The following SLC22A25 variants were observed in gnomAD, a reference collection of about 807,000 sequenced individuals.
SLC22A25 encodes solute carrier family 22 member 25.
A neutral mutation model predicts 45.9 loss-of-function variants in SLC22A25; 44 were observed. That is an observed-to-expected ratio of 0.96 (90% CI 0.75 to 1.23). SLC22A25 has a LOEUF of 1.23. Ranked by LOEUF, SLC22A25 falls within the 50% of genes most tolerant of loss-of-function variation. The pLI is 0.00. For synonymous variants in SLC22A25, 283 were observed against 238.6 expected, an observed-to-expected ratio of 1.19 and a Z score of -1.72; for missense variants, 800 against 666.4, an observed-to-expected ratio of 1.20 and a Z score of -2.21.
chr11:63,206,733 T>C (rs1406332985), intron 7 of SLC22A25, among the ~76,000 whole-genome samples: 1 of 152,150 alleles, frequency 6.6e-6, no homozygotes, highest in African/African-American at 2.4e-5. Flanking sequence ...TTCAATGCTA[T>C]CCCCAACAAG....
intron 3 of SLC22A25, among the ~76,000 whole-genome samples, chr11:63,236,485 A>G (rs1019515481): frequency 2.6e-5 from 4 of 152,122 alleles, no homozygotes; most frequent in Middle Eastern, 3.2e-3. Flanking sequence ...TGTGAAGCCC[A>G]TTGGAAAAGC....
intron 7 of SLC22A25, among the ~76,000 whole-genome samples, chr11:63,196,475 C>T (rs1217824416): frequency 2.0e-5 from 3 of 152,124 alleles, no homozygotes; most frequent in African/African-American, 7.2e-5. Context: ...AAACATAATC[C>T]AGCATATAAA....
chr11:63,219,297 A>G (rs965570764), intron 5 of SLC22A25, among the ~76,000 whole-genome samples: 1 of 151,794 alleles, frequency 6.6e-6, no homozygotes, highest in Non-Finnish European at 1.5e-5. Context: ...AATTTTACCA[A>G]CTGCTATATA....
chr11:63,208,610 T>C (rs1005612919), intron 7 of SLC22A25, among the ~76,000 whole-genome samples: 1 of 151,968 alleles, frequency 6.6e-6, no homozygotes, highest in African/African-American at 2.4e-5. Context: ...ACCTGGGACA[T>C]GAGAGAGGCT....
chr11:63,236,832 C>G (rs2090173003), intron 3 of SLC22A25, among the ~76,000 whole-genome samples: 1 of 152,154 alleles, frequency 6.6e-6, no homozygotes, highest in Non-Finnish European at 1.5e-5. Flanking sequence ...CTATATGCAT[C>G]TCTGTTTCTT....
intron 9 of SLC22A25, among the ~76,000 whole-genome samples, chr11:63,168,598 T>C (rs2087766127): frequency 6.6e-6 from 1 of 151,630 alleles, no homozygotes; most frequent in African/African-American, 2.4e-5. Context: ...TGAAATAAAG[T>C]GTGAAGGAAA....
chr11:63,223,257 C>A (rs375794440), intron 5 of SLC22A25, among the ~76,000 whole-genome samples: 1 of 152,014 alleles, frequency 6.6e-6, no homozygotes, highest in East Asian at 1.9e-4. Context: ...AGGTCCCAGG[C>A]TTTTCCTTAC....
intron 5 of SLC22A25, among the ~76,000 whole-genome samples, chr11:63,225,580 G>T (rs2089945039): frequency 6.6e-6 from 1 of 152,076 alleles, no homozygotes; most frequent in South Asian, 2.1e-4. Flanking sequence ...TTGACCTAGG[G>T]AGTTGGATTA....
chr11:63,220,103 A>T, intron 5 of SLC22A25: 1 of 953,692 alleles, frequency 1.0e-6, no homozygotes, highest in Non-Finnish European at 1.5e-6. Flanking sequence ...TTGTCCTTAG[A>T]TTACTTACCT....
intron 3 of SLC22A25, among the ~76,000 whole-genome samples, chr11:63,236,892 C>T (rs1329823095): frequency 6.6e-6 from 1 of 152,138 alleles, no homozygotes; most frequent in African/African-American, 2.4e-5. Context: ...TACCGGTTCC[C>T]CTGTCTGGGC....
At chr11:63,227,710 A>G (rs1481512096) in intron 5 of SLC22A25, among the ~76,000 whole-genome samples, 1 of 152,208 alleles carries the variant, frequency 6.6e-6, no homozygotes, top group Non-Finnish European at 1.5e-5. Flanking sequence ...CCAGCCCAGC[A>G]GTAGAACTTG....
intron 7 of SLC22A25, among the ~76,000 whole-genome samples, chr11:63,188,135 T>G (rs2088638175): frequency 6.6e-6 from 1 of 152,240 alleles, no homozygotes; most frequent in African/African-American, 2.4e-5. Flanking sequence ...AGCTCCTCTT[T>G]GTACCTCTGG....
intron 11 of SLC22A25, 69 bp downstream of exon 11, chr11:63,164,457 C>T: frequency 3.0e-6 from 4 of 1,340,520 alleles, no homozygotes; most frequent in Admixed American, 1.9e-5. Context: ...ATTTTTTTCC[C>T]TTGTTAAGTG....
chr11:63,220,058 AC>A, intron 5 of SLC22A25: 1 of 1,228,014 alleles, frequency 8.1e-7, no homozygotes, highest in Non-Finnish European at 1.1e-6. Context: ...GTTAGAGGGT[AC>A]CCCAAACTTC....
chr11:63,169,477 C>G (rs1171850965), intron 9 of SLC22A25, among the ~76,000 whole-genome samples: 1 of 151,796 alleles, frequency 6.6e-6, no homozygotes, highest in Non-Finnish European at 1.5e-5. Flanking sequence ...GAAATATTTA[C>G]CAAGCAAAGA....
rs1311183693 is a variant in SLC22A25, at chr11:63,238,954, T to C, written c.-814A>G. 1 of 185,962 alleles carries C rather than the reference T, an allele frequency of 5.4e-6. No individual in the cohort carries two copies. The highest frequency in any genetic ancestry group is 1.4e-4 in the East Asian group (1 of 7,328). The allele number at this position is 185,962 out of a possible 1,614,324, so 11.5% of individuals were successfully genotyped here. On this transcript the variant is annotated 5_prime_UTR_variant, in exon 2 of 12. Coordinates refer to ENST00000306494, the MANE Select transcript of SLC22A25 (RefSeq NM_199352.6). The stretch of plus-strand genomic sequence containing the variant: ...TTCTTCGTCCAAGACGATGACATTG[T>C]CTATGATGTGCACCTAGCAGTGGTG...
At chr11:63,164,785 G>T in intron 10 of SLC22A25, 151 bp from the exon 11 acceptor site, 1 of 627,940 alleles carries the variant, frequency 1.6e-6, no homozygotes, top group Non-Finnish European at 2.8e-6. Flanking sequence ...ATGTGCAGTG[G>T]CTAATAGCTG....
intron 8 of SLC22A25, among the ~76,000 whole-genome samples, chr11:63,182,946 A>C (rs546234869): frequency 6.6e-6 from 1 of 152,086 alleles, no homozygotes; most frequent in Non-Finnish European, 1.5e-5. Context: ...AAACATGTCC[A>C]TTAGTTCTCC....
At chr11:63,167,933 C>G in intron 9 of SLC22A25, 1 of 404,314 alleles carries the variant, frequency 2.5e-6, no homozygotes, top group Non-Finnish European at 4.9e-6. Context: ...TGGCATCAGG[C>G]AGGTGCTCCT....
Sources: gnomAD v4.1 joint callset for allele counts (sites outside exome capture counted in the v4.1 genomes callset) on GRCh38, gnomAD v4.1.1 for gene constraint, MANE v1.5 for transcripts, NCBI Gene and HGNC (gene_info 2026-07-23, HGNC 2026-07-21) for gene names.